PTPRM: variants seen among roughly 807,000 people sequenced by gnomAD.
PTPRM encodes the protein receptor-type tyrosine-protein phosphatase mu.
PTPRM carries 47 observed loss-of-function variants against 186.7 expected under a neutral mutation model. The ratio of observed to expected loss-of-function variants is 0.25; its 90% CI spans 0.20 to 0.32. The LOEUF (loss-of-function observed/expected upper bound fraction) is 0.32, where lower values mean the gene tolerates loss of function less well. PTPRM is among the 10% of genes least tolerant of loss of function. The probability of loss-of-function intolerance (pLI) is 1.00; values close to 1 mark genes in which losing one functional copy is unlikely to be tolerated. For missense variants in PTPRM, 1,494 were observed against 1,865.0 expected, an observed-to-expected ratio of 0.80 and a Z score of 3.66; for synonymous variants, 668 against 674.9, an observed-to-expected ratio of 0.99 and a Z score of 0.16.
chr18:7,853,385 G>A (rs1178217886), intron 2 of PTPRM, among the ~76,000 whole-genome samples: 2 of 152,194 alleles, frequency 1.3e-5, no homozygotes, highest in Non-Finnish European at 2.9e-5. Context: ...GTTGGTGCTA[G>A]GTGTCCTCCC....
At chr18:8,100,395 C>T (rs1427122421) in intron 11 of PTPRM, among the ~76,000 whole-genome samples, 3 of 152,086 alleles carry the variant, frequency 2.0e-5, no homozygotes, top group Non-Finnish European at 4.4e-5. Flanking sequence ...CCCACCTTGG[C>T]GTCCCAAAGT....
rs544660431 is a variant in PTPRM at position 8,190,643 on chromosome 18, TTC to T, written c.2300+46866_2300+46867del. Among the ~76,000 whole-genome samples, 572 of 152,340 alleles carry T rather than the reference TTC, an allele frequency of 3.8e-3. 3 individuals carry two copies. The highest frequency in any genetic ancestry group is 0.01 in the African/African-American group (435 of 41,576). ...CCTGTTTGGAAATAATAAATCTATG[TTC>T]TGTTTATCTGTAGTAATTTCATATA... is the stretch of plus-strand genomic sequence containing the variant. On this transcript the variant is annotated intron_variant, in intron 14 of 32. Coordinates refer to ENST00000580170, the MANE Select transcript of PTPRM (RefSeq NM_001105244.2).
chr18:7,630,244 T>G (rs2038159475), intron 1 of PTPRM, among the ~76,000 whole-genome samples: 1 of 152,034 alleles, frequency 6.6e-6, no homozygotes, highest in African/African-American at 2.4e-5. Context: ...ACATCTAATG[T>G]CTGGTGGTGG....
chr18:8,164,234 T>C (rs2146371755), intron 14 of PTPRM, among the ~76,000 whole-genome samples: 1 of 152,318 alleles, frequency 6.6e-6, no homozygotes, highest in Admixed American at 6.5e-5. Flanking sequence ...TGTAAAACAT[T>C]TTTCTTTAAC....
At chr18:8,154,272 G>C (rs544078365) in intron 14 of PTPRM, among the ~76,000 whole-genome samples, 1 of 152,238 alleles carries the variant, frequency 6.6e-6, no homozygotes, top group South Asian at 2.1e-4. Flanking sequence ...AGTTGTTACT[G>C]TCAGTTAGAA....
At chr18:8,187,625 G>A (rs2093659841) in intron 14 of PTPRM, among the ~76,000 whole-genome samples, 1 of 152,200 alleles carries the variant, frequency 6.6e-6, no homozygotes, top group Non-Finnish European at 1.5e-5. Flanking sequence ...AGAGAGATCA[G>A]CAGAAAAACG....
intron 14 of PTPRM, among the ~76,000 whole-genome samples, chr18:8,167,421 G>A (rs1238888570): frequency 6.6e-6 from 1 of 152,186 alleles, no homozygotes; most frequent in Non-Finnish European, 1.5e-5. Flanking sequence ...GCTCACCTTG[G>A]TGACTCAGGA....
At chr18:8,340,857 A>T (rs558161651) in intron 22 of PTPRM, among the ~76,000 whole-genome samples, 1 of 152,232 alleles carries the variant, frequency 6.6e-6, no homozygotes, top group South Asian at 2.1e-4. Flanking sequence ...CTCTTGGGTT[A>T]GGACCTGAGA....
intron 2 of PTPRM, among the ~76,000 whole-genome samples, chr18:7,781,434 C>G (rs777038986): frequency 6.6e-6 from 1 of 152,078 alleles, no homozygotes; most frequent in Non-Finnish European, 1.5e-5. Flanking sequence ...TGCAAACAAT[C>G]AAATACACTG....
chr18:8,238,628 T>C (rs2094374921), intron 14 of PTPRM, among the ~76,000 whole-genome samples: 1 of 150,094 alleles, frequency 6.7e-6, no homozygotes, highest in African/African-American at 2.4e-5. Context: ...TTGTTTGCTC[T>C]GTCTCTTCAC....
intron 5 of PTPRM, among the ~76,000 whole-genome samples, chr18:7,939,121 A>T (rs142748515): frequency 6.6e-6 from 1 of 152,322 alleles, no homozygotes; most frequent in Non-Finnish European, 1.5e-5. Flanking sequence ...GGCCCTGCTG[A>T]TGTTATTAGT....
intron 23 of PTPRM, among the ~76,000 whole-genome samples, chr18:8,344,474 A>ATATATC (rs1318982857): frequency 2.2e-4 from 33 of 147,326 alleles, no homozygotes; most frequent in African/African-American, 8.3e-4. Context: ...ATATATATAT[A>ATATATC]TCTAGCAAAA....
chr18:8,212,707 T>C (rs2094024023), intron 14 of PTPRM, among the ~76,000 whole-genome samples: 1 of 152,162 alleles, frequency 6.6e-6, no homozygotes, highest in South Asian at 2.1e-4. Flanking sequence ...CTCAGGAGCC[T>C]GAGGCAGAAG....
At chr18:8,323,200 C>T (rs2095356317) in intron 22 of PTPRM, among the ~76,000 whole-genome samples, 1 of 152,126 alleles carries the variant, frequency 6.6e-6, no homozygotes, top group South Asian at 2.1e-4. Flanking sequence ...AAGGCTGTTA[C>T]TGAAGAAAGT....
chr18:7,650,213 C>A (rs1047163383), intron 1 of PTPRM, among the ~76,000 whole-genome samples: 1 of 152,098 alleles, frequency 6.6e-6, no homozygotes, highest in Non-Finnish European at 1.5e-5. Context: ...TTCATATCTT[C>A]AAGGGGCCCT....
chr18:7,945,244 G>C (rs1319263700), intron 5 of PTPRM, among the ~76,000 whole-genome samples: 1 of 151,020 alleles, frequency 6.6e-6, no homozygotes, highest in Admixed American at 6.6e-5. Flanking sequence ...ATGAGGTCAG[G>C]AGATTGAGAC....
intron 13 of PTPRM, among the ~76,000 whole-genome samples, chr18:8,141,335 A>C (rs2092762120): frequency 6.6e-6 from 1 of 152,180 alleles, no homozygotes; most frequent in African/African-American, 2.4e-5. Context: ...CGTGGTTGCT[A>C]CCGTCATCAC....
intron 13 of PTPRM, among the ~76,000 whole-genome samples, chr18:8,124,876 A>G (rs1185937774): frequency 6.6e-6 from 1 of 152,156 alleles, no homozygotes. Flanking sequence ...CTGTGCTGAC[A>G]TCTTGCCCCT....
chr18:8,264,544 G>A (rs2094675817), intron 19 of PTPRM, among the ~76,000 whole-genome samples: 1 of 152,100 alleles, frequency 6.6e-6, no homozygotes, highest in African/African-American at 2.4e-5. Flanking sequence ...GCCGAGGCGG[G>A]CAGATCATGA....
Sources: gnomAD v4.1 joint callset for allele counts (sites outside exome capture counted in the v4.1 genomes callset) on GRCh38, gnomAD v4.1.1 for gene constraint, MANE v1.5 for transcripts, NCBI Gene and HGNC (gene_info 2026-07-23, HGNC 2026-07-21) for gene names.